FOXR1: variants seen among roughly 807,000 people sequenced by gnomAD.
FOXR1 encodes forkhead box R1.
A neutral mutation model predicts 34.5 loss-of-function variants in FOXR1; 25 were observed. That is an observed-to-expected ratio of 0.72 (90% confidence interval 0.53 to 1.01). The LOEUF (loss-of-function observed/expected upper bound fraction) is 1.01. Among genes scored for constraint, FOXR1 ranks in the 50% least tolerant of loss-of-function variants. The pLI is 0.00. For synonymous variants in FOXR1, 153 were observed against 141.6 expected, an observed-to-expected ratio of 1.08 and a Z score of -0.57; for missense variants, 373 against 376.2, an observed-to-expected ratio of 0.99 and a Z score of 0.07.
rs577169437 is a variant in FOXR1, at chr11:118,974,231, G to T, written c.61+2239G>T. ...ACTTTGAGTCAGATGAGGATTGATTGTAAGGTTTTGTTTGAGATGGACTCT... is the reference window on the plus strand; with the variant it reads ...ACTTTGAGTCAGATGAGGATTGATTTTAAGGTTTTGTTTGAGATGGACTCT... On this transcript the variant is annotated intron_variant, in intron 1 of 5. Coordinates refer to ENST00000317011, the MANE Select transcript of FOXR1 (RefSeq NM_181721.3). Among the ~76,000 whole-genome samples, 4 of 152,186 alleles carry T rather than the reference G, an allele frequency of 2.6e-5. No homozygotes were observed. The East Asian group carries it at 7.7e-4, about 29-fold the overall frequency.
At chr11:118,981,133 T>A in intron 5 of FOXR1, 75 bp from the exon 6 acceptor site, 1 of 1,444,398 alleles carries the variant, frequency 6.9e-7, no homozygotes, top group Non-Finnish European at 9.8e-7. Context: ...GATGACCTGC[T>A]ATGAGAGAGC....
In FOXR1 at chr11:118,979,091, A is replaced by C; in HGVS notation, c.271A>C (p.Lys91Gln). The change falls in exon 3 of 6, where the codon AAG (lysine) becomes CAG (glutamine). Residue 91 changes from lysine to glutamine, a missense_variant. Coordinates refer to ENST00000317011, the MANE Select transcript of FOXR1 (RefSeq NM_181721.3). ...STLPSSQPPQ[K>Q]EEDASCSEAA... ...ACTCCCCTCCTCTCAGCCACCCCAGAAGGAGGAAGATGCCAGCTGCTCAGA... is the reference window on the plus strand; with the variant it reads ...ACTCCCCTCCTCTCAGCCACCCCAGCAGGAGGAAGATGCCAGCTGCTCAGA... 6.2e-7 allele frequency: 1 copy of C among 1,607,992 alleles called. No homozygotes were observed. Among genetic ancestry groups the C allele is most frequent in the Non-Finnish European group, 8.5e-7 (1 of 1,177,328 alleles).
At chr11:118,976,058 A>G (rs1941775878) in intron 1 of FOXR1, among the ~76,000 whole-genome samples, 1 of 152,206 alleles carries the variant, frequency 6.6e-6, no homozygotes, top group South Asian at 2.1e-4. Flanking sequence ...CCAGAAAGAC[A>G]CGAGGTGGTG....
intron 1 of FOXR1, 137 bp downstream of exon 1, chr11:118,972,129 GCC>G (rs764442884): frequency 0.019 from 6,638 of 358,628 alleles, 179 homozygotes; most frequent in African/African-American, 0.13. Context: ...AGCGCCCCGC[GCC>G]CCCCCCCCCC....
At chr11:118,981,166 A>G (rs1159155332) in intron 5 of FOXR1, 42 bp from the exon 6 acceptor site, 5 of 1,607,856 alleles carry the variant, frequency 3.1e-6, no homozygotes, top group Non-Finnish European at 4.3e-6. Flanking sequence ...GGAAACAGCA[A>G]TTGTGAAGTA....
At chr11:118,980,415 G>A in intron 4 of FOXR1, 75 bp from the exon 5 acceptor site, 10 of 1,534,392 alleles carry the variant, frequency 6.5e-6, no homozygotes, top group Non-Finnish European at 9.0e-6. Context: ...CCTGGCCCCT[G>A]GGTAGAACAT....
At chr11:118,979,369 C>G (rs1941822474) in intron 3 of FOXR1, 73 bp from the exon 4 acceptor site, 17 of 1,484,092 alleles carry the variant, frequency 1.1e-5, no homozygotes, top group Non-Finnish European at 1.5e-5. Context: ...TTAGACCACC[C>G]CCCCTTCCTG....
At chr11:118,979,235 T>G in intron 3 of FOXR1, 31 bp downstream of exon 3, 1 of 1,510,512 alleles carries the variant, frequency 6.6e-7, no homozygotes, top group Non-Finnish European at 8.8e-7. Context: ...GAGTGGGACT[T>G]GGGCAGTAGG....
chr11:118,972,614 T>C (rs1941726169), intron 1 of FOXR1, among the ~76,000 whole-genome samples: 1 of 69,582 alleles, frequency 1.4e-5, no homozygotes, highest in Non-Finnish European at 3.3e-5. Flanking sequence ...GGATTAACTC[T>C]TTTTTTTTTT....
chr11:118,981,044 G>T (rs959251002), intron 5 of FOXR1, among the ~76,000 whole-genome samples, 164 bp from the exon 6 acceptor site: 7 of 152,182 alleles, frequency 4.6e-5, no homozygotes, highest in African/African-American at 1.7e-4. Context: ...TATGTACAAA[G>T]AGTACTTCTA....
rs1253493755 is a variant in FOXR1, at chr11:118,978,955, A to G, written c.137-2A>G. On this transcript the variant is annotated splice_acceptor_variant, in intron 2 of 5. Coordinates refer to ENST00000317011, the MANE Select transcript of FOXR1 (RefSeq NM_181721.3). LOFTEE classifies it high-confidence loss of function. ...TGGCACACAATCTTTTGTTCTGCAC[A>G]GGTCCAGATTATGAGCCCAACCTCT... The G allele has an allele frequency of 6.2e-7, 1 of 1,608,920 alleles. No homozygotes were observed. Among genetic ancestry groups the G allele is most frequent in the South Asian group, 1.1e-5 (1 of 90,862 alleles).
intron 1 of FOXR1, among the ~76,000 whole-genome samples, chr11:118,974,859 G>A (rs959345826): frequency 2.6e-5 from 4 of 152,266 alleles, no homozygotes; most frequent in Admixed American, 1.3e-4. Context: ...TTGACCTAGT[G>A]GAAGGATAGA....
Position 118,971,985 on chromosome 11 carries a change from G to C in FOXR1, c.54G>C (p.Glu18Asp), listed in dbSNP as rs1053141374. ...AFTTSHLPLAEQKLARYKLRI... is the reference protein window; with the variant it reads ...AFTTSHLPLADQKLARYKLRI... ...CCACATCTCACCTCCCCTTAGCGGA[G>C]CAGAAACGTGAGTAGCGGGTGGGGT... Residue 18 changes from glutamate (E) to aspartate (D), a missense_variant, in exon 1 of 6, where the codon GAG becomes GAC. Coordinates refer to ENST00000317011, the MANE Select transcript of FOXR1 (RefSeq NM_181721.3). The C allele has an allele frequency of 3.2e-6, 5 of 1,550,220 alleles. No homozygotes were observed. The highest frequency in any genetic ancestry group is 1.7e-4 in the Middle Eastern group (1 of 5,986).
At chr11:118,979,869 TC>T in intron 4 of FOXR1, among the ~76,000 whole-genome samples, 1 of 152,180 alleles carries the variant, frequency 6.6e-6, no homozygotes, top group Non-Finnish European at 1.5e-5. Flanking sequence ...GTTTTTTTTT[TC>T]TTTTTAACAA....
intron 1 of FOXR1, among the ~76,000 whole-genome samples, 169 bp downstream of exon 1, chr11:118,972,161 C>T (rs1941716705): frequency 6.6e-6 from 1 of 151,488 alleles, no homozygotes; most frequent in Admixed American, 6.6e-5. Context: ...GCTCCGCCGC[C>T]CCCGCTCCAC....
chr11:118,979,859 G>GTT (rs146110643), intron 4 of FOXR1, among the ~76,000 whole-genome samples, 191 bp downstream of exon 4: 3 of 149,786 alleles, frequency 2.0e-5, no homozygotes, highest in African/African-American at 7.3e-5. Flanking sequence ...TATGGCTTTA[G>GTT]TTTTTTTTTT....
chr11:118,972,138 C>CG (rs913415640), intron 1 of FOXR1, 146 bp downstream of exon 1: 37 of 704,274 alleles, frequency 5.3e-5, no homozygotes, highest in Non-Finnish European at 7.4e-5. Flanking sequence ...CGCCCCCCCC[C>CG]CCCGACGGCT....
At chr11:118,975,549 G>C (rs1941769978) in intron 1 of FOXR1, among the ~76,000 whole-genome samples, 1 of 151,226 alleles carries the variant, frequency 6.6e-6, no homozygotes, top group Non-Finnish European at 1.5e-5. Context: ...CTCGGCTCAA[G>C]TGATCCTCCT....
At chr11:118,974,231 G>A (rs577169437) in intron 1 of FOXR1, among the ~76,000 whole-genome samples, 64 of 152,304 alleles carry the variant, frequency 4.2e-4, no homozygotes, top group South Asian at 2.9e-3. Context: ...AGGATTGATT[G>A]TAAGGTTTTG....
Sources: allele counts gnomAD v4.1 joint callset (sites outside exome capture counted in the v4.1 genomes callset), GRCh38; gene constraint gnomAD v4.1.1; transcripts MANE v1.5; gene names NCBI Gene and HGNC (gene_info 2026-07-23, HGNC 2026-07-21).